KRABD5: variants seen among roughly 807,000 people sequenced by gnomAD.
The protein encoded by KRABD5 is KRAB domain containing 5.
At chr16:31,731,897 G>T in the KRABD5 span, among the ~76,000 whole-genome samples, 1 of 152,132 alleles carries the variant, frequency 6.6e-6, no homozygotes, top group Non-Finnish European at 1.5e-5. Flanking sequence ...TTTTCCTGAG[G>T]GTCTCTGTGT....
chr16:31,753,887 G>A, the KRABD5 span: 1 of 1,551,346 alleles, frequency 6.4e-7, no homozygotes, highest in Non-Finnish European at 8.7e-7. Context: ...TAAGGAAAGA[G>A]TGGGAAAGTG....
the KRABD5 span, among the ~76,000 whole-genome samples, chr16:31,742,094 TGTAA>T: frequency 6.6e-6 from 1 of 151,566 alleles, no homozygotes; most frequent in South Asian, 2.1e-4. Context: ...ATCAGATGAT[TGTAA>T]GTGTGTGCCT....
the KRABD5 span, among the ~76,000 whole-genome samples, chr16:31,716,301 G>A: frequency 1.3e-5 from 2 of 152,186 alleles, no homozygotes; most frequent in African/African-American, 4.8e-5. Flanking sequence ...GCCAGTATCT[G>A]TAGCACAAAC....
the KRABD5 span, among the ~76,000 whole-genome samples, chr16:31,732,508 C>T: frequency 1.2e-4 from 19 of 152,008 alleles, no homozygotes; most frequent in Non-Finnish European, 2.4e-4. Flanking sequence ...TTACTGCAAG[C>T]AAAAAAGAAT....
chr16:31,755,453 G>A, the KRABD5 span: 1 of 470,546 alleles, frequency 2.1e-6, no homozygotes. Flanking sequence ...AATTCATACT[G>A]GAGTAAAACT....
At chr16:31,741,872 AAT>A in the KRABD5 span, among the ~76,000 whole-genome samples, 1 of 152,144 alleles carries the variant, frequency 6.6e-6, no homozygotes, top group East Asian at 1.9e-4. Context: ...TGCCAAAGTC[AAT>A]GTCTAGAATG....
chr16:31,750,098 G>A, the KRABD5 span, among the ~76,000 whole-genome samples: 1 of 152,100 alleles, frequency 6.6e-6, no homozygotes, highest in Non-Finnish European at 1.5e-5. Flanking sequence ...AGTTTGATAG[G>A]AATAGTGTGG....
the KRABD5 span, chr16:31,713,574 A>C: frequency 7.8e-7 from 1 of 1,287,768 alleles, no homozygotes; most frequent in Non-Finnish European, 1.0e-6. Context: ...CCTCCGCCGC[A>C]AGATGGCGGC....
At chr16:31,747,760 G>A in the KRABD5 span, among the ~76,000 whole-genome samples, 3 of 152,124 alleles carry the variant, frequency 2.0e-5, no homozygotes, top group East Asian at 1.9e-4. Flanking sequence ...GCATTTCTTC[G>A]TGTGGCTTTT....
At chr16:31,744,121 C>A in the KRABD5 span, among the ~76,000 whole-genome samples, 1 of 152,136 alleles carries the variant, frequency 6.6e-6, no homozygotes, top group African/African-American at 2.4e-5. Flanking sequence ...TTATTTCTTT[C>A]TCTTGCCTGA....
the KRABD5 span, among the ~76,000 whole-genome samples, chr16:31,731,385 T>C: frequency 6.6e-6 from 1 of 152,138 alleles, no homozygotes; most frequent in African/African-American, 2.4e-5. Context: ...ATCTTGAGCA[T>C]TGGGGCTGGT....
the KRABD5 span, among the ~76,000 whole-genome samples, chr16:31,715,463 C>T: frequency 1.3e-5 from 2 of 152,216 alleles, no homozygotes; most frequent in Non-Finnish European, 2.9e-5. Context: ...CCACTCCTTT[C>T]TCTTGCCCTA....
the KRABD5 span, among the ~76,000 whole-genome samples, chr16:31,718,590 G>A: frequency 5.3e-5 from 8 of 152,302 alleles, no homozygotes; most frequent in African/African-American, 1.7e-4. Context: ...GTCCAGAGCC[G>A]TGAGTGAAGC....
At chr16:31,716,488 C>T in the KRABD5 span, among the ~76,000 whole-genome samples, 5 of 152,124 alleles carry the variant, frequency 3.3e-5, no homozygotes, top group East Asian at 9.6e-4. Flanking sequence ...GATCCTCCCA[C>T]CTCAGCCTCC....
the KRABD5 span, among the ~76,000 whole-genome samples, chr16:31,738,261 CT>C: frequency 6.6e-6 from 1 of 152,032 alleles, no homozygotes; most frequent in East Asian, 1.9e-4. Context: ...TCTTTTGTCT[CT>C]TATTCTTTCC....
the KRABD5 span, among the ~76,000 whole-genome samples, chr16:31,737,615 A>G: frequency 6.6e-6 from 1 of 152,150 alleles, no homozygotes; most frequent in Non-Finnish European, 1.5e-5. Flanking sequence ...GTTGAATATA[A>G]GTTTACTATA....
the KRABD5 span, among the ~76,000 whole-genome samples, chr16:31,738,734 G>A: frequency 1.3e-5 from 2 of 151,996 alleles, no homozygotes; most frequent in Non-Finnish European, 2.9e-5. Context: ...TTTGGGTTTT[G>A]TATCTATTTT....
At chr16:31,736,527 T>A in the KRABD5 span, among the ~76,000 whole-genome samples, 3 of 150,538 alleles carry the variant, frequency 2.0e-5, no homozygotes, top group African/African-American at 7.3e-5. Flanking sequence ...CTTTTTTTTT[T>A]TTTTTTTAAG....
the KRABD5 span, among the ~76,000 whole-genome samples, chr16:31,747,157 C>T: frequency 1.5e-5 from 2 of 130,850 alleles, no homozygotes; most frequent in Admixed American, 1.6e-4. Context: ...CACCCCACAA[C>T]AGGCCCCAGT....
Sources: allele counts gnomAD v4.1 joint callset (sites outside exome capture counted in the v4.1 genomes callset), GRCh38; gene constraint gnomAD v4.1.1; transcripts MANE v1.5; gene names NCBI Gene and HGNC (gene_info 2026-07-23, HGNC 2026-07-21).